TOMM40: variants seen among roughly 807,000 people sequenced by gnomAD.
TOMM40 encodes translocase of outer mitochondrial membrane 40.
A neutral mutation model predicts 38.4 loss-of-function variants in TOMM40; 9 were observed. The ratio of observed to expected loss-of-function variants is 0.23; its 90% CI spans 0.14 to 0.41. The LOEUF is 0.41. Among genes scored for constraint, TOMM40 ranks in the 10% least tolerant of loss-of-function variants. The pLI is 1.00. For synonymous variants in TOMM40, 184 were observed against 210.0 expected (o/e 0.88, Z 1.07); for missense variants, 299 against 486.5 (o/e 0.61, Z 3.63).
chr19:44,893,557 G>C (rs1969507906), intron 3 of TOMM40, among the ~76,000 whole-genome samples: 1 of 152,212 alleles, frequency 6.6e-6, no homozygotes, highest in South Asian at 2.1e-4. Flanking sequence ...CGTGGGGCAG[G>C]GGACAGACTG....
intron 8 of TOMM40, chr19:44,902,098 AT>A (rs1197925690): frequency 1.3e-5 from 2 of 152,212 alleles, no homozygotes; most frequent in African/African-American, 2.4e-5. Context: ...TCCAAAAAAA[AT>A]AAAATGAAAT....
At chr19:44,893,003 G>T in intron 3 of TOMM40, 74 bp downstream of exon 3, 1 of 1,303,016 alleles carries the variant, frequency 7.7e-7, no homozygotes, top group Non-Finnish European at 1.1e-6. Flanking sequence ...AGCTAAGACG[G>T]CCTCATCAGG....
intron 5 of TOMM40, among the ~76,000 whole-genome samples, chr19:44,898,524 T>TC (rs1568609244): frequency 1.5e-5 from 2 of 134,414 alleles, no homozygotes; most frequent in Non-Finnish European, 3.1e-5. Flanking sequence ...TTTTTTTTTT[T>TC]CTTTTTTTTT....
At chr19:44,893,088 C>T (rs1969499411) in intron 3 of TOMM40, among the ~76,000 whole-genome samples, 159 bp downstream of exon 3, 1 of 152,158 alleles carries the variant, frequency 6.6e-6, no homozygotes, top group South Asian at 2.1e-4. Flanking sequence ...CAAATAATTC[C>T]TTCATCCAGC....
intron 5 of TOMM40, among the ~76,000 whole-genome samples, chr19:44,899,791 C>CTTTTTTTTTTTTTTTT (rs10524523): frequency 5.5e-5 from 5 of 90,988 alleles, no homozygotes; most frequent in African/African-American, 7.4e-5. Context: ...TTGCATCTGG[C>CTTTTTTTTTTTTTTTT]TTTTTTTTTT....
chr19:44,899,082 G>A (rs1188761490), intron 5 of TOMM40, among the ~76,000 whole-genome samples: 16 of 146,516 alleles, frequency 1.1e-4, no homozygotes, highest in African/African-American at 3.4e-4. Flanking sequence ...GCAGTGAGCC[G>A]AGATAGTGCC....
chr19:44,900,990 TG>T (rs775267878), intron 6 of TOMM40, 37 bp from the exon 7 acceptor site: 1 of 1,613,068 alleles, frequency 6.2e-7, no homozygotes, highest in South Asian at 1.1e-5. Flanking sequence ...CAAATCCCCT[TG>T]GTAATGAGAC....
intron 5 of TOMM40, among the ~76,000 whole-genome samples, chr19:44,896,448 G>A (rs534333255): frequency 2.4e-4 from 37 of 152,122 alleles, no homozygotes; most frequent in Non-Finnish European, 5.0e-4. Context: ...CCGACTTCTC[G>A]GCCTCAGCAC....
At chr19:44,898,255 C>A (rs965503145) in intron 5 of TOMM40, among the ~76,000 whole-genome samples, 1 of 152,170 alleles carries the variant, frequency 6.6e-6, no homozygotes, top group Non-Finnish European at 1.5e-5. Flanking sequence ...GGCCAGCCTG[C>A]TCCCACTGTG....
chr19:44,898,920 G>T (rs534690687), intron 5 of TOMM40, among the ~76,000 whole-genome samples: 1 of 151,618 alleles, frequency 6.6e-6, no homozygotes, highest in African/African-American at 2.4e-5. Context: ...CGAGGCAGGC[G>T]GATCACGAGG....
intron 5 of TOMM40, among the ~76,000 whole-genome samples, chr19:44,900,322 C>A (rs539651266): frequency 6.6e-6 from 1 of 152,328 alleles, no homozygotes; most frequent in East Asian, 1.9e-4. Context: ...TTTACCCACT[C>A]TACCCAATGG....
chr19:44,901,513 C>T (rs967312012), intron 8 of TOMM40: 11 of 1,367,182 alleles, frequency 8.0e-6, no homozygotes, highest in South Asian at 1.5e-5. Context: ...GAGGCCAAGG[C>T]GGGCCGAGGT....
chr19:44,892,504 C>G, intron 2 of TOMM40, 44 bp downstream of exon 2: 2 of 1,578,556 alleles, frequency 1.3e-6, no homozygotes, highest in Non-Finnish European at 8.7e-7. Flanking sequence ...TCGTCCCCGC[C>G]GTCCCCCTCC....
chr19:44,899,038 C>T (rs2122770337), intron 5 of TOMM40, among the ~76,000 whole-genome samples: 1 of 147,628 alleles, frequency 6.8e-6, no homozygotes, highest in South Asian at 2.3e-4. Context: ...GAGGCTGAGG[C>T]AGGAGAATGG....
chr19:44,899,535 G>A (rs956937467), intron 5 of TOMM40, among the ~76,000 whole-genome samples: 2 of 151,546 alleles, frequency 1.3e-5, no homozygotes, highest in East Asian at 1.9e-4. Flanking sequence ...AGCTGGTTTC[G>A]AATTCCTGGG....
In TOMM40 at chr19:44,892,591, T is replaced by C. The variant is rs536837067; in HGVS notation, c.342+131T>C. On this transcript the variant is annotated intron_variant, in intron 2 of 8. Transcript: ENST00000426677. ...TGATACTTGAAAAGACTCGGAGATA[T>C]AGTGCCAGACTGACTACTCAGTTTG... The C allele has an allele frequency of 7.4e-5, 67 of 904,134 alleles. 2 individuals carry two copies. The highest frequency in any genetic ancestry group is 4.8e-4 in the South Asian group (33 of 68,190). 56.0% of individuals were successfully genotyped at this position (904,134 alleles called of 1,614,324 possible).
intron 5 of TOMM40, among the ~76,000 whole-genome samples, chr19:44,899,100 T>G (rs1599942806): frequency 7.2e-6 from 1 of 138,216 alleles, no homozygotes; most frequent in Non-Finnish European, 1.5e-5. Context: ...GCCACTGCAC[T>G]CCAGCCTGGG....
intron 5 of TOMM40, 89 bp from the exon 6 acceptor site, chr19:44,900,641 C>T (rs1969660849): frequency 2.5e-6 from 4 of 1,604,596 alleles, no homozygotes; most frequent in Non-Finnish European, 3.4e-6. Context: ...CCCAAGCCTC[C>T]AGCCGGGGTG....
In TOMM40 at chr19:44,893,782, G is replaced by T; in HGVS notation, c.438G>T (p.Ala146=). 1 of 1,611,462 alleles carries T rather than the reference G, an allele frequency of 6.2e-7. No individual in the cohort carries two copies. The highest frequency in any genetic ancestry group is 8.5e-7 in the Non-Finnish European group (1 of 1,179,408). ...CTTCCGTTCTCTCTGCCTCACAGGCGTTCCCTGTACTGGTGGGTGACATGG... is the reference window on the plus strand; with the variant it reads ...CTTCCGTTCTCTCTGCCTCACAGGCTTTCCCTGTACTGGTGGGTGACATGG... ...VGTKQLSPTE[A]FPVLVGDMDN... Residue 146 remains alanine, a splice_region_variant and synonymous_variant, in exon 4 of 9, where the codon GCG becomes GCT. Coordinates refer to ENST00000426677, the MANE Select transcript of TOMM40 (RefSeq NM_001128917.2).
Sources: allele counts gnomAD v4.1 joint callset (sites outside exome capture counted in the v4.1 genomes callset), GRCh38; gene constraint gnomAD v4.1.1; transcripts MANE v1.5; gene names NCBI Gene and HGNC (gene_info 2026-07-23, HGNC 2026-07-21).